LAMA2: variants seen among roughly 807,000 people sequenced by gnomAD.
The protein encoded by LAMA2 is laminin subunit alpha 2, also known as laminin subunit alpha-2.
In LAMA2, 269 loss-of-function variants were observed where a neutral mutation model predicts 364.8. The observed-to-expected ratio is 0.74, with a 90% CI of 0.67 to 0.82. LAMA2 has a LOEUF of 0.82. LAMA2 is among the 40% of genes least tolerant of loss of function. The probability of loss-of-function intolerance (pLI) is 0.00; values close to 1 mark genes in which losing one functional copy is unlikely to be tolerated. For missense variants in LAMA2, 3,807 were observed against 3,873.2 expected (o/e 0.98, Z 0.45); for synonymous variants, 1,379 against 1,370.6 (o/e 1.01, Z -0.14).
intron 12 of LAMA2, among the ~76,000 whole-genome samples, chr6:129,227,922 A>T (rs1045732724): frequency 2.0e-5 from 3 of 152,146 alleles, no homozygotes; most frequent in Non-Finnish European, 2.9e-5. Context: ...TCCTACTCCC[A>T]GAGGTGGAGT....
At position 128,971,377 on chromosome 6, in the gene LAMA2, C is replaced by T. The variant is rs190066073; in HGVS notation, c.113-78541C>T. Among the ~76,000 whole-genome samples the T allele has an allele frequency of 4.1e-3, 626 of 152,178 alleles. 4 individuals are homozygous for T. Among genetic ancestry groups the T allele is most frequent in the African/African-American group, 0.014 (593 of 41,526 alleles). On this transcript the variant is annotated intron_variant, in intron 1 of 64. Coordinates refer to ENST00000421865, the MANE Select transcript of LAMA2 (RefSeq NM_000426.4). ...CGTAGAGATAAGAGATGAGTACTTT[C>T]GCAGAAACAAATGAATAATTATATA... is the stretch of plus-strand genomic sequence containing the variant.
At chr6:129,251,030 GTCTCTCTCTTTCTCTCTC>G (rs1292954106) in intron 13 of LAMA2, among the ~76,000 whole-genome samples, 70 of 67,512 alleles carry the variant, frequency 1.0e-3, no homozygotes, top group East Asian at 2.4e-3. Context: ...CTCTCTCTCT[GTCTCTCTCTTTCTCTCTC>G]TCTCTCTCTC....
intron 20 of LAMA2, among the ~76,000 whole-genome samples, chr6:129,295,913 A>T (rs1455115279): frequency 6.6e-6 from 1 of 151,926 alleles, no homozygotes; most frequent in Non-Finnish European, 1.5e-5. Context: ...GATATTTTTC[A>T]ATACCGTTTT....
chr6:129,091,622 A>G (rs759614091), intron 3 of LAMA2, among the ~76,000 whole-genome samples: 1 of 152,208 alleles, frequency 6.6e-6, no homozygotes, highest in Non-Finnish European at 1.5e-5. Flanking sequence ...AGTGACAATT[A>G]CAAATCGTTT....
intron 4 of LAMA2, among the ~76,000 whole-genome samples, chr6:129,138,867 C>G (rs1777956212): frequency 6.6e-6 from 1 of 152,048 alleles, no homozygotes; most frequent in Non-Finnish European, 1.5e-5. Context: ...AAGGGTTGAG[C>G]ACTGTGGTGC....
chr6:129,307,321 A>C (rs1210015797), intron 22 of LAMA2, among the ~76,000 whole-genome samples: 3 of 152,176 alleles, frequency 2.0e-5, no homozygotes. Flanking sequence ...GGGTTTTCCA[A>C]TGCCATTTTC....
intron 18 of LAMA2, among the ~76,000 whole-genome samples, chr6:129,281,604 C>T (rs557583319): frequency 2.0e-5 from 3 of 152,296 alleles, no homozygotes; most frequent in African/African-American, 7.2e-5. Context: ...TCCTTGCCCT[C>T]AGCACCTCAC....
intron 3 of LAMA2, among the ~76,000 whole-genome samples, chr6:129,087,921 C>T (rs959937225): frequency 1.3e-5 from 2 of 148,472 alleles, no homozygotes; most frequent in Admixed American, 6.8e-5. Flanking sequence ...TTTTATTAAT[C>T]ATTCTTGGGT....
chr6:129,343,528 T>A (rs1251654623), intron 30 of LAMA2, among the ~76,000 whole-genome samples: 2 of 152,176 alleles, frequency 1.3e-5, no homozygotes, highest in Non-Finnish European at 2.9e-5. Context: ...AGGGACCAAG[T>A]AGTATGTGTA....
intron 1 of LAMA2, among the ~76,000 whole-genome samples, chr6:128,973,123 T>A (rs546857554): frequency 6.6e-6 from 1 of 152,338 alleles, no homozygotes; most frequent in South Asian, 2.1e-4. Flanking sequence ...AATTCAACTA[T>A]TGCTGTCCTA....
At chr6:129,358,518 A>G (rs183393312) in intron 32 of LAMA2, among the ~76,000 whole-genome samples, 174 of 152,196 alleles carry the variant, frequency 1.1e-3, no homozygotes, top group Non-Finnish European at 2.1e-3. Context: ...GGAAGAAATA[A>G]GTAAACTAGC....
intron 1 of LAMA2, among the ~76,000 whole-genome samples, chr6:129,015,142 A>G (rs1407413109): frequency 1.3e-5 from 2 of 152,178 alleles, no homozygotes; most frequent in South Asian, 2.1e-4. Flanking sequence ...ATTTGGATGT[A>G]CAAACCGTGA....
At chr6:129,473,706 T>A (rs576120547) in intron 52 of LAMA2, among the ~76,000 whole-genome samples, 2 of 152,210 alleles carry the variant, frequency 1.3e-5, no homozygotes, top group East Asian at 3.9e-4. Flanking sequence ...CATTGCTTAG[T>A]GTTCCGAAAA....
chr6:129,248,814 G>A (rs1419464782), intron 12 of LAMA2, among the ~76,000 whole-genome samples: 1 of 152,048 alleles, frequency 6.6e-6, no homozygotes, highest in Admixed American at 6.5e-5. Context: ...GTGAAATTTT[G>A]AATGTTTATC....
intron 12 of LAMA2, among the ~76,000 whole-genome samples, chr6:129,238,813 T>A (rs1457887872): frequency 6.6e-6 from 1 of 152,174 alleles, no homozygotes; most frequent in Non-Finnish European, 1.5e-5. Context: ...AGAGTACTTT[T>A]GAAATTCTAA....
intron 4 of LAMA2, among the ~76,000 whole-genome samples, chr6:129,113,250 T>A (rs1416398029): frequency 6.6e-6 from 1 of 152,048 alleles, no homozygotes; most frequent in African/African-American, 2.4e-5. Flanking sequence ...TCTCCAGTGT[T>A]TTTGTAAATC....
Position 129,514,547 on chromosome 6 carries a change from T to G in LAMA2, c.9163T>G (p.Ser3055Ala), listed in dbSNP as rs778586094. ...QVEAQSPNPA[S>A]TSADTNDPVF... ...GGAAGCCCAAAGCCCAAACCCAGCA[T>G]CTACATCAGCTGACACAAATGACCC... The change falls in exon 64 of 65, where the codon TCT becomes GCT. Residue 3055 changes from serine to alanine, a missense_variant. By Grantham distance (99) the Ser-to-Ala change is moderately conservative. Coordinates refer to ENST00000421865, the MANE Select transcript of LAMA2 (RefSeq NM_000426.4). The G allele has an allele frequency of 1.9e-6, 3 of 1,614,178 alleles. No homozygotes were observed. The Admixed American group carries it at 5.0e-5, about 27-fold the overall frequency.
chr6:129,374,354 A>G (rs763166466), intron 34 of LAMA2, among the ~76,000 whole-genome samples: 4 of 152,170 alleles, frequency 2.6e-5, no homozygotes, highest in South Asian at 2.1e-4. Flanking sequence ...ACCCATGACT[A>G]CATTAGAGGA....
chr6:129,336,019 T>C (rs2114552999), intron 29 of LAMA2, among the ~76,000 whole-genome samples: 1 of 152,330 alleles, frequency 6.6e-6, no homozygotes, highest in East Asian at 1.9e-4. Context: ...CGCAGGATAG[T>C]AAGCAATAAA....
Sources: gnomAD v4.1 joint callset for allele counts (sites outside exome capture counted in the v4.1 genomes callset) on GRCh38, gnomAD v4.1.1 for gene constraint, MANE v1.5 for transcripts, NCBI Gene and HGNC (gene_info 2026-07-23, HGNC 2026-07-21) for gene names.